SLC44A2: variants seen among roughly 807,000 people sequenced by gnomAD.
The protein encoded by SLC44A2 is solute carrier family 44 member 2 (CTL2 blood group).
Under a neutral mutation model 90.8 loss-of-function variants are expected in SLC44A2, and 57 were observed. That is an observed-to-expected ratio of 0.63 (90% CI 0.51 to 0.78). SLC44A2 has a LOEUF of 0.78. Ranked by LOEUF, SLC44A2 falls within the 30% of genes least tolerant of loss-of-function variation. SLC44A2 has a pLI of 0.00. For synonymous variants in SLC44A2, 355 were observed against 360.7 expected (o/e 0.98, Z 0.18); for missense variants, 794 against 919.7 (o/e 0.86, Z 1.77).
At chr19:10,626,472 A>C (rs2066935079) in intron 2 of SLC44A2, among the ~76,000 whole-genome samples, 171 bp downstream of exon 2, 1 of 150,030 alleles carries the variant, frequency 6.7e-6, no homozygotes, top group Non-Finnish European at 1.5e-5. Flanking sequence ...CCGTGGCGCG[A>C]TCTCAATCTC....
At chr19:10,604,674 CTG>C (rs1918050904) in intron 1 of SLC44A2, among the ~76,000 whole-genome samples, 1 of 152,110 alleles carries the variant, frequency 6.6e-6, no homozygotes, top group South Asian at 2.1e-4. Flanking sequence ...CTCTGAAGCT[CTG>C]TGTCTTTGTC....
intron 16 of SLC44A2, 162 bp downstream of exon 16, chr19:10,636,918 C>A: frequency 1.4e-6 from 1 of 740,002 alleles, no homozygotes; most frequent in Non-Finnish European, 2.2e-6. Context: ...GTGATTGAGT[C>A]CTGCGATGGA....
In SLC44A2 at chr19:10,625,701, G is replaced by A. The variant is rs2066925736; in HGVS notation, c.37+31G>A. 4.8e-6 allele frequency: 6 copies of A among 1,246,554 alleles called. No homozygotes were observed. In the East Asian group the frequency reaches 1.6e-4, roughly 33 times the overall value. The allele number at this position is 1,246,554 out of a possible 1,614,324, so 77.2% of individuals were successfully genotyped here. ...CAGCGACCCCCGCCCGTAGCCCCGG[G>A]CCGACCCCTCGGTCCCTCGGAGGGG... is the stretch of plus-strand genomic sequence containing the variant. On this transcript the variant is annotated intron_variant, in intron 1 of 21. Transcript: ENST00000335757.
intron 14 of SLC44A2, 50 bp from the exon 15 acceptor site, chr19:10,636,273 T>G (rs750074672): frequency 6.4e-7 from 1 of 1,570,548 alleles, no homozygotes; most frequent in Non-Finnish European, 8.6e-7. Flanking sequence ...GAGCCCACTG[T>G]GAACCCCTGG....
chr19:10,625,681 AC>A lies in SLC44A2; in HGVS notation c.37+16del, dbSNP rs1360340469. 3 of 1,248,024 alleles carry A rather than the reference AC, an allele frequency of 2.4e-6. No individual in the cohort carries two copies. The highest frequency in any genetic ancestry group is 4.2e-5 in the Admixed American group (1 of 23,876). 77.3% of individuals were successfully genotyped at this position (1,248,024 alleles called of 1,614,324 possible). A position where few individuals can be genotyped will look rare whatever the true frequency, so the allele number is the denominator to read the frequency against. On this transcript the variant is annotated intron_variant, in intron 1 of 21. Coordinates refer to ENST00000335757, the MANE Select transcript of SLC44A2 (RefSeq NM_020428.4). ...ACTACGGGAAACACGGTAGGCAGCG[AC>A]CCCCGCCCGTAGCCCCGGGCCGACC...
chr19:10,611,896 A>G (rs1441565139), intron 1 of SLC44A2, among the ~76,000 whole-genome samples: 1 of 152,172 alleles, frequency 6.6e-6, no homozygotes, highest in African/African-American at 2.4e-5. Context: ...GGGGGACTAA[A>G]AGCTAATTAT....
rs1025927283 is a variant in SLC44A2 at position 10,625,627 on chromosome 19, T to G, written c.-7T>G. On this transcript the variant is annotated 5_prime_UTR_variant, in exon 1 of 22. Transcript: ENST00000335757. ...CGGGCGGCCGCCGGGGCTGGTCGCC[T>G]GCAGGGATGGGGGACGAGCGGCCCC... 1.6e-6 allele frequency: 2 copies of G among 1,246,762 alleles called. No homozygotes were observed. Among genetic ancestry groups the G allele is most frequent in the African/African-American group, 1.6e-5 (1 of 64,378 alleles). The allele number at this position is 1,246,762 out of a possible 1,614,324, so 77.2% of individuals were successfully genotyped here.
intron 10 of SLC44A2, among the ~76,000 whole-genome samples, chr19:10,633,332 T>C (rs1462236692): frequency 6.6e-6 from 1 of 151,224 alleles, no homozygotes; most frequent in Non-Finnish European, 1.5e-5. Context: ...CCCGGCTAAT[T>C]TTTTTTGTAT....
chr19:10,622,226 T>G (rs2066899495), upstream of SLC44A2, among the ~76,000 whole-genome samples: 2 of 151,778 alleles, frequency 1.3e-5, no homozygotes, highest in Admixed American at 6.6e-5. Flanking sequence ...CTGAACAGAG[T>G]AAGCCATGGA....
At chr19:10,605,004 A>G (rs1198105861) in intron 1 of SLC44A2, among the ~76,000 whole-genome samples, 2 of 152,298 alleles carry the variant, frequency 1.3e-5, no homozygotes, top group East Asian at 3.9e-4. Context: ...GCAGTGCAGA[A>G]AAAGATTCTG....
chr19:10,617,575 A>G (rs571600852), intron 1 of SLC44A2, among the ~76,000 whole-genome samples: 1 of 152,256 alleles, frequency 6.6e-6, no homozygotes, highest in South Asian at 2.1e-4. Context: ...TTTTCCTGAG[A>G]CAGCTGAGAC....
chr19:10,618,958 C>CTT (rs772955506), intron 1 of SLC44A2, among the ~76,000 whole-genome samples: 303 of 100,054 alleles, frequency 3.0e-3, no homozygotes, highest in South Asian at 5.4e-3. Context: ...GTATACAATT[C>CTT]TTTTTTTTTT....
At chr19:10,616,976 C>T (rs2066860134) in intron 1 of SLC44A2, among the ~76,000 whole-genome samples, 1 of 152,096 alleles carries the variant, frequency 6.6e-6, no homozygotes, top group Admixed American at 6.6e-5. Flanking sequence ...GGCTGGAGTG[C>T]AGTGGCGCGA....
At chr19:10,634,715 A>G (rs2067034258) in intron 10 of SLC44A2, 41 bp from the exon 11 acceptor site, 2 of 1,611,762 alleles carry the variant, frequency 1.2e-6, no homozygotes, top group Non-Finnish European at 1.7e-6. Context: ...GCAAAGTTGC[A>G]GGAGGCACTG....
chr19:10,635,330 C>T (rs1451291418), intron 13 of SLC44A2, 75 bp downstream of exon 13: 1 of 1,604,950 alleles, frequency 6.2e-7, no homozygotes, highest in African/African-American at 1.3e-5. Flanking sequence ...TGACCTGCAG[C>T]TTAGGGATAG....
intron 10 of SLC44A2, among the ~76,000 whole-genome samples, chr19:10,632,735 C>T (rs1426826985): frequency 1.3e-5 from 2 of 150,784 alleles, no homozygotes; most frequent in Non-Finnish European, 3.0e-5. Context: ...TGCCATGGCG[C>T]GATCTTGGCT....
chr19:10,616,671 C>A (rs995047718), intron 1 of SLC44A2, among the ~76,000 whole-genome samples: 3 of 151,930 alleles, frequency 2.0e-5, no homozygotes, highest in Non-Finnish European at 4.4e-5. Context: ...TCAAGACCAG[C>A]CTGGCCAATA....
intron 1 of SLC44A2, among the ~76,000 whole-genome samples, chr19:10,605,533 A>AATAT: frequency 6.6e-6 from 1 of 151,330 alleles, no homozygotes; most frequent in East Asian, 1.9e-4. Flanking sequence ...TAAATAAATA[A>AATAT]ATAATAAAAA....
chr19:10,603,401 A>AT (rs1459878072), intron 1 of SLC44A2, among the ~76,000 whole-genome samples: 1 of 152,122 alleles, frequency 6.6e-6, no homozygotes, highest in Non-Finnish European at 1.5e-5. Context: ...GCCCCACGTG[A>AT]TACTACCCTG....
Sources: gnomAD v4.1 joint callset for allele counts (sites outside exome capture counted in the v4.1 genomes callset) on GRCh38, gnomAD v4.1.1 for gene constraint, MANE v1.5 for transcripts, NCBI Gene and HGNC (gene_info 2026-07-23, HGNC 2026-07-21) for gene names.